Variants in CCP110 observed in about 807,000 individuals in gnomAD.
CCP110 encodes the protein centriolar coiled-coil protein 110.
In CCP110, 43 loss-of-function variants were observed where a neutral mutation model predicts 105.5. The observed-to-expected ratio is 0.41, with a 90% CI of 0.32 to 0.53. The LOEUF (loss-of-function observed/expected upper bound fraction) is 0.53. Ranked by LOEUF, CCP110 falls within the 20% of genes least tolerant of loss-of-function variation. The pLI is 0.32. For synonymous variants in CCP110, 353 were observed against 392.1 expected (o/e 0.90, Z 1.18); for missense variants, 1,016 against 1,189.1 (o/e 0.85, Z 2.14).
chr16:19,535,955 A>G (rs766354418), exon 4 of CCP110: 11 of 1,588,586 alleles, frequency 6.9e-6, no homozygotes, highest in Non-Finnish European at 9.4e-6. Context: ...AAAAGCACCT[A>G]ATGCCAGTGA....
intron 3 of CCP110, among the ~76,000 whole-genome samples, chr16:19,535,507 T>C (rs1970019394): frequency 6.6e-6 from 1 of 152,214 alleles, no homozygotes. Flanking sequence ...CATTACTTGC[T>C]GTTTATTGCA....
chr16:19,550,843 G>A (rs2151486996), intron 14 of CCP110, among the ~76,000 whole-genome samples: 1 of 152,216 alleles, frequency 6.6e-6, no homozygotes, highest in East Asian at 1.9e-4. Flanking sequence ...TTCTTCATTT[G>A]ATGTTTTGTG....
In CCP110 at chr16:19,542,006, G is replaced by T. The variant is rs1472195964; in HGVS notation, c.2169G>T (p.Leu723Phe). The T allele has an allele frequency of 3.7e-6, 6 of 1,612,020 alleles. No individual in the cohort carries two copies. In the African/African-American group the frequency reaches 4.0e-5, roughly 11 times the overall value. Residue 723 changes from leucine to phenylalanine, a missense_variant, in exon 6 of 15, where the codon TTG (leucine) becomes TTT (phenylalanine). Transcript: ENST00000381396. ...GGAGAAAAATAAGTGACTCTAGTTT[G>T]CTGGAAACAATGCTGTCTCAAGCGG...
chr16:19,526,487 A>T (rs968535515), intron 1 of CCP110: 1 of 152,200 alleles, frequency 6.6e-6, no homozygotes, highest in Non-Finnish European at 1.5e-5. Context: ...TAAAATAAAT[A>T]AAAGCTTGTA....
At chr16:19,526,794 C>A (rs1250418843) in intron 1 of CCP110, 1 of 151,962 alleles carries the variant, frequency 6.6e-6, no homozygotes, top group South Asian at 2.1e-4. Flanking sequence ...CTTTGCATAT[C>A]CCACATCATG....
exon 4 of CCP110, chr16:19,536,664 C>T: frequency 6.2e-7 from 1 of 1,614,112 alleles, no homozygotes; most frequent in South Asian, 1.1e-5. Flanking sequence ...ACTGGCCATC[C>T]CACTGTTCTA....
chr16:19,534,894 T>A (rs1161087307), intron 3 of CCP110, among the ~76,000 whole-genome samples: 2 of 149,384 alleles, frequency 1.3e-5, no homozygotes, highest in Non-Finnish European at 3.0e-5. Context: ...TTTTTTTTTT[T>A]TTCTGAGATG....
intron 1 of CCP110, chr16:19,526,732 GT>G (rs1302823097): frequency 2.0e-5 from 3 of 151,422 alleles, no homozygotes; most frequent in Non-Finnish European, 4.4e-5. Context: ...ATACTTTGGT[GT>G]ACTGAATTTT....
chr16:19,528,073 A>G (rs752761707), intron 2 of CCP110, 51 bp downstream of exon 2: 56 of 1,466,462 alleles, frequency 3.8e-5, no homozygotes, highest in Non-Finnish European at 4.9e-5. Flanking sequence ...AACAACTAAA[A>G]CAGTTCGTGG....
At chr16:19,546,928 G>T (rs1970481119) in intron 12 of CCP110, 1 of 155,478 alleles carries the variant, frequency 6.4e-6, no homozygotes. Context: ...TTGGGTCGGG[G>T]GTCGTCCTCA....
chr16:19,536,949 A>C, exon 4 of CCP110: 1 of 1,614,258 alleles, frequency 6.2e-7, no homozygotes, highest in South Asian at 1.1e-5. Flanking sequence ...ATTATGCCAA[A>C]GTTACCAACT....
rs540646331 is a variant in CCP110 at position 19,541,920 on chromosome 16, A to G, written c.2083A>G (p.Lys695Glu). The G allele has an allele frequency of 1.9e-6, 3 of 1,599,100 alleles. No homozygotes were observed. The South Asian group carries it at 3.4e-5, about 18-fold the overall frequency. ...AGAGCAGGAGAAAATGTTAAAAGAG[A>G]AGAAGGCAATGACAGCGGAAGCCTC... Residue 695 changes from lysine (K) to glutamate (E), a missense_variant, in exon 6 of 15, where the codon AAG (lysine) becomes GAG (glutamate). By Grantham distance (56) the Lys-to-Glu change is moderately conservative. Coordinates refer to ENST00000381396, the Ensembl canonical transcript of CCP110.
intron 1 of CCP110, 129 bp from the exon 2 acceptor site, chr16:19,527,738 G>T: frequency 3.5e-6 from 2 of 575,042 alleles, no homozygotes; most frequent in Non-Finnish European, 5.6e-6. Flanking sequence ...TGATCAGTAA[G>T]ACAATTCTGG....
At chr16:19,536,857 C>T (rs1481842499) in exon 4 of CCP110, 2 of 1,614,034 alleles carry the variant, frequency 1.2e-6, no homozygotes, top group East Asian at 2.2e-5. Context: ...CAATAAATGC[C>T]TGTGAATTAA....
At chr16:19,540,939 A>G (rs1970255919) in intron 5 of CCP110, 152 bp downstream of exon 5, 5 of 543,892 alleles carry the variant, frequency 9.2e-6, no homozygotes, top group Non-Finnish European at 1.3e-5. Flanking sequence ...TTTTTTGTCA[A>G]AATATGAATT....
At chr16:19,527,531 C>T (rs567109229) in intron 1 of CCP110, among the ~76,000 whole-genome samples, 5 of 151,860 alleles carry the variant, frequency 3.3e-5, no homozygotes, top group Admixed American at 2.6e-4. Context: ...AATATAATAT[C>T]CTGTTTTACA....
intron 2 of CCP110, 72 bp from the exon 3 acceptor site, chr16:19,532,344 C>G: frequency 7.5e-7 from 1 of 1,326,918 alleles, no homozygotes; most frequent in Non-Finnish European, 1.0e-6. Flanking sequence ...TTTAATCTTT[C>G]TGATTCACAA....
At position 19,548,027 on chromosome 16, in the gene CCP110, C is replaced by A; in HGVS notation, c.2900+13C>A. ...TTAGTAGACAAGGGTAAGAATGCCA[C>A]ACACGGGTATTGAAAACTACGGAAA... On this transcript the variant is annotated intron_variant, in intron 13 of 14. Coordinates refer to ENST00000381396, the Ensembl canonical transcript of CCP110. The surrounding 1 kb of genome is among the most constrained non-coding windows in gnomAD (Gnocchi z 4.1). The A allele has an allele frequency of 6.3e-7, 1 of 1,581,012 alleles. No homozygotes were observed. Among genetic ancestry groups the A allele is most frequent in the Non-Finnish European group, 8.7e-7 (1 of 1,150,568 alleles).
At chr16:19,537,330 T>G in exon 4 of CCP110, 1 of 1,614,160 alleles carries the variant, frequency 6.2e-7, no homozygotes, top group South Asian at 1.1e-5. Context: ...TCTCCTTTAT[T>G]GATGCAAAAC....
Sources: gnomAD v4.1 joint callset for allele counts (sites outside exome capture counted in the v4.1 genomes callset) on GRCh38, gnomAD v4.1.1 for gene constraint, Gnocchi (gnomAD v3.1) non-coding constraint, MANE v1.5 for transcripts, NCBI Gene and HGNC (gene_info 2026-07-23, HGNC 2026-07-21) for gene names.